The following GRID1 variants were observed in gnomAD, a reference collection of about 807,000 sequenced individuals.
GRID1 encodes the protein glutamate receptor ionotropic, delta-1.
Under a neutral mutation model 98.0 loss-of-function variants are expected in GRID1, and 28 were observed. That is an observed-to-expected ratio of 0.29 (90% CI 0.21 to 0.39). The LOEUF is 0.39. Ranked by LOEUF, GRID1 falls within the 10% of genes least tolerant of loss-of-function variation. The pLI, the probability that GRID1 is intolerant of heterozygous loss-of-function variation, is 1.00. For synonymous variants in GRID1, 553 were observed against 538.5 expected, an observed-to-expected ratio of 1.03 and a Z score of -0.37; for missense variants, 1,111 against 1,340.5, an observed-to-expected ratio of 0.83 and a Z score of 2.67.
chr10:86,063,098 C>T (rs186989875), intron 4 of GRID1, among the ~76,000 whole-genome samples: 2 of 152,354 alleles, frequency 1.3e-5, no homozygotes, highest in East Asian at 3.9e-4. Flanking sequence ...CACCTGGCAC[C>T]CATGTGTCTT....
intron 13 of GRID1, among the ~76,000 whole-genome samples, chr10:85,631,899 T>C (rs979055625): frequency 6.6e-6 from 1 of 151,996 alleles, no homozygotes; most frequent in Non-Finnish European, 1.5e-5. Flanking sequence ...GTTACACAGA[T>C]GACAAGCATA....
At chr10:86,054,226 G>A (rs1843543187) in intron 4 of GRID1, among the ~76,000 whole-genome samples, 1 of 151,266 alleles carries the variant, frequency 6.6e-6, no homozygotes, top group African/African-American at 2.4e-5. Flanking sequence ...GAGGCAGAGA[G>A]CAGGCTTTTC....
intron 12 of GRID1, among the ~76,000 whole-genome samples, chr10:85,714,730 G>GA (rs1841619069): frequency 6.6e-6 from 1 of 151,950 alleles, no homozygotes; most frequent in Non-Finnish European, 1.5e-5. Context: ...AAACATTGGT[G>GA]AAAAAACTGA....
Position 85,675,224 on chromosome 10 carries a change from C to T in GRID1, c.1998-27827G>A, listed in dbSNP as rs1049765652. On this transcript the variant is annotated intron_variant, in intron 12 of 15. Coordinates refer to ENST00000327946, the MANE Select transcript of GRID1 (RefSeq NM_017551.3). ...GCTGTCTGCTCTGGAGCTGCACACA[C>T]GTGAGCTATGCAGCCAGGAGGGATT... Among the ~76,000 whole-genome samples, 7 of 152,310 alleles carry T rather than the reference C, an allele frequency of 4.6e-5. No individual in the cohort carries two copies. In the East Asian group the frequency reaches 5.8e-4, roughly 13 times the overall value.
chr10:86,330,528 C>T (rs1848124955), intron 2 of GRID1, among the ~76,000 whole-genome samples: 1 of 152,182 alleles, frequency 6.6e-6, no homozygotes, highest in Non-Finnish European at 1.5e-5. Context: ...GGTGGATGCG[C>T]CCATTTCCAA....
intron 4 of GRID1, among the ~76,000 whole-genome samples, chr10:86,071,518 G>A (rs1256367527): frequency 1.3e-5 from 2 of 152,240 alleles, no homozygotes; most frequent in African/African-American, 4.8e-5. Context: ...TACAGCCTCT[G>A]AAAGCAACAC....
At chr10:86,111,679 G>A (rs1844486769) in intron 4 of GRID1, among the ~76,000 whole-genome samples, 1 of 152,202 alleles carries the variant, frequency 6.6e-6, no homozygotes, top group Non-Finnish European at 1.5e-5. Context: ...TGCACCTGGT[G>A]AAAGTGTTCA....
At chr10:86,309,912 T>C (rs1847809457) in intron 2 of GRID1, among the ~76,000 whole-genome samples, 1 of 152,200 alleles carries the variant, frequency 6.6e-6, no homozygotes. Flanking sequence ...CTGTGTTTCC[T>C]CCAGCCAGGA....
At chr10:85,784,921 TC>T (rs1842412893) in intron 8 of GRID1, among the ~76,000 whole-genome samples, 1 of 152,234 alleles carries the variant, frequency 6.6e-6, no homozygotes, top group Admixed American at 6.5e-5. Flanking sequence ...AGCCTCACTT[TC>T]CTGTCCCCAT....
chr10:86,312,300 T>C lies in GRID1; in HGVS notation c.235+51641A>G, dbSNP rs79766823. Among the ~76,000 whole-genome samples, 365 of 152,234 alleles carry C rather than the reference T, an allele frequency of 2.4e-3. 1 individual carries two copies. The highest frequency in any genetic ancestry group is 0.014 in the Middle Eastern group (4 of 294). On this transcript the variant is annotated intron_variant, in intron 2 of 15. Transcript: ENST00000327946. ...GGTGCCAAGAAGTAGCTGGAGGAAATGCACTCTTTGGTCTCCCACCCCACC... is the reference window on the plus strand; with the variant it reads ...GGTGCCAAGAAGTAGCTGGAGGAAACGCACTCTTTGGTCTCCCACCCCACC...
intron 8 of GRID1, among the ~76,000 whole-genome samples, chr10:85,734,195 A>G (rs1841854664): frequency 6.6e-6 from 1 of 152,104 alleles, no homozygotes; most frequent in Non-Finnish European, 1.5e-5. Context: ...CCAGCACAGC[A>G]TCTCATATTC....
At chr10:86,021,188 G>A (rs1247554001) in intron 4 of GRID1, among the ~76,000 whole-genome samples, 1 of 152,148 alleles carries the variant, frequency 6.6e-6, no homozygotes, top group Non-Finnish European at 1.5e-5. Context: ...TCTCCCAAAT[G>A]GAAGCCAAGC....
chr10:86,023,534 C>T (rs1449495347), intron 4 of GRID1, among the ~76,000 whole-genome samples: 1 of 152,150 alleles, frequency 6.6e-6, no homozygotes, highest in Non-Finnish European at 1.5e-5. Context: ...ACTGCTTCTC[C>T]AGGTCCCTGT....
At position 85,933,299 on chromosome 10, in the gene GRID1, A is replaced by C. The variant is rs532595164; in HGVS notation, c.727-17060T>G. On this transcript the variant is annotated intron_variant, in intron 4 of 15. Coordinates refer to ENST00000327946, the MANE Select transcript of GRID1 (RefSeq NM_017551.3). Reference sequence around the variant, plus strand: ...TCTCTGTTCTTTAAAAAAAAAAAAAAAAAAAAAAAAAAACTTATTTTAGAT... The same window carrying C: ...TCTCTGTTCTTTAAAAAAAAAAAAACAAAAAAAAAAAAACTTATTTTAGAT... 1.2e-4 allele frequency among the ~76,000 whole-genome samples: 18 copies of C among 148,870 alleles called. No individual in the cohort carries two copies. In the East Asian group the frequency reaches 1.4e-3, roughly 12 times the overall value.
At position 86,294,105 on chromosome 10, in the gene GRID1, GA is replaced by G. The variant is rs142411223; in HGVS notation, c.235+69835del. The stretch of plus-strand genomic sequence containing the variant: ...AGTGTAGAAGCTGGAGGAGTATGGA[GA>G]GGAGGCTAGGCAGGCCTGGTCAGCA... On this transcript the variant is annotated intron_variant, in intron 2 of 15. Coordinates refer to ENST00000327946, the MANE Select transcript of GRID1 (RefSeq NM_017551.3). Among the ~76,000 whole-genome samples the G allele has an allele frequency of 9.0e-4, 137 of 152,298 alleles. 2 individuals are homozygous for G. In the East Asian group the frequency reaches 0.021, roughly 23 times the overall value.
At chr10:86,218,224 A>G (rs1368410592) in intron 2 of GRID1, among the ~76,000 whole-genome samples, 1 of 151,900 alleles carries the variant, frequency 6.6e-6, no homozygotes, top group South Asian at 2.1e-4. Flanking sequence ...ATGCAGGTGT[A>G]TGGGTGGAAA....
At chr10:86,136,022 T>C (rs1844919238) in intron 4 of GRID1, among the ~76,000 whole-genome samples, 1 of 152,208 alleles carries the variant, frequency 6.6e-6, no homozygotes, top group African/African-American at 2.4e-5. Context: ...CATTTACTCC[T>C]CCTTAACTGT....
At chr10:85,974,825 A>T (rs913194820) in intron 4 of GRID1, among the ~76,000 whole-genome samples, 3 of 152,160 alleles carry the variant, frequency 2.0e-5, no homozygotes, top group Non-Finnish European at 4.4e-5. Context: ...GGGTCTCACT[A>T]TGTTGCCCAG....
At chr10:85,841,375 A>G (rs1001495050) in intron 8 of GRID1, among the ~76,000 whole-genome samples, 3 of 152,192 alleles carry the variant, frequency 2.0e-5, no homozygotes, top group Non-Finnish European at 4.4e-5. Context: ...CCAAACTACA[A>G]AAACTCTCTA....
Sources: allele counts gnomAD v4.1 joint callset (sites outside exome capture counted in the v4.1 genomes callset), GRCh38; gene constraint gnomAD v4.1.1; transcripts MANE v1.5; gene names NCBI Gene and HGNC (gene_info 2026-07-23, HGNC 2026-07-21).